Variants in POLI observed in about 807,000 individuals in gnomAD.
POLI encodes DNA polymerase iota, also known as RAD30 homolog B.
Under a neutral mutation model 51.6 loss-of-function variants are expected in POLI, and 58 were observed. The ratio of observed to expected loss-of-function variants is 1.12; its 90% CI spans 0.91 to 1.40. The LOEUF (loss-of-function observed/expected upper bound fraction) is 1.40, where lower values mean the gene tolerates loss of function less well. Among genes scored for constraint, POLI ranks in the 40% most tolerant of loss-of-function variants. POLI has a pLI of 0.00. For missense variants in POLI, 921 were observed against 871.3 expected, an observed-to-expected ratio of 1.06 and a Z score of -0.72; for synonymous variants, 322 against 299.7, an observed-to-expected ratio of 1.07 and a Z score of -0.77.
rs1401005850 is a variant in POLI at position 54,297,685 on chromosome 18, T to C, written c.*3218T>C. On this transcript the variant is annotated 3_prime_UTR_variant, in exon 10 of 10. Transcript: ENST00000579534. The stretch of plus-strand genomic sequence containing the variant: ...TCCCTTTACTGATTTGGAATGTGAA[T>C]GTTACAAGTCCTTTTGATTATCCTT... The C allele has an allele frequency of 2.1e-6, 2 of 971,972 alleles. No homozygotes were observed. The highest frequency in any genetic ancestry group is 3.5e-5 in the African/African-American group (2 of 56,948). The allele number at this position is 971,972 out of a possible 1,614,324, so 60.2% of individuals were successfully genotyped here.
chr18:54,274,767 T>C (rs2087165913), intron 3 of POLI: 1 of 152,142 alleles, frequency 6.6e-6, no homozygotes, highest in Admixed American at 6.5e-5. Context: ...TAATATATAG[T>C]GTAAAAATGT....
chr18:54,269,592 G>C lies in POLI; in HGVS notation c.46G>C (p.Asp16His). 2 of 1,500,016 alleles carry C rather than the reference G, an allele frequency of 1.3e-6. No individual in the cohort carries two copies. Among genetic ancestry groups the C allele is most frequent in the Non-Finnish European group, 1.8e-6 (2 of 1,127,972 alleles). The allele number at this position is 1,500,016 out of a possible 1,614,324, so 92.9% of individuals were successfully genotyped here. The change falls in exon 1 of 10, where the codon GAC (aspartate) becomes CAC (histidine). Residue 16 changes from aspartate (D) to histidine (H), a missense_variant. Physicochemically the swap from Asp to His is moderately conservative, Grantham distance 81. Coordinates refer to ENST00000579534, the MANE Select transcript of POLI (RefSeq NM_007195.3). The part of the protein sequence containing the change: ...VEPEEEGGGD[D>H]DEEDAEAWAM... ...GCCGGAGGAGGAAGGCGGCGGCGAC[G>C]ACGACGAGGAAGACGCCGAGGCCTG...
intron 3 of POLI, among the ~76,000 whole-genome samples, chr18:54,310,625 T>A (rs955322253): frequency 2.6e-5 from 4 of 152,156 alleles, no homozygotes; most frequent in Non-Finnish European, 5.9e-5. Context: ...TTGGTGATAT[T>A]TGGGTGTCCG....
rs1011666203 is a variant in POLI at position 54,305,948 on chromosome 18, C to T, written c.334-14325C>T. ...TAATTTTTTGTATTTTTAGTAGATA[C>T]GGGGTTTCACTGTGTTACTCAGGAT... On this transcript the variant is annotated intron_variant, in intron 3 of 4. Coordinates refer to the POLI transcript ENST00000579823. 3.9e-5 allele frequency among the ~76,000 whole-genome samples: 6 copies of T among 152,096 alleles called. No individual in the cohort carries two copies. The East Asian group carries it at 5.8e-4, about 15-fold the overall frequency.
At chr18:54,270,963 T>C (rs1284894367) in intron 1 of POLI, 1 of 154,718 alleles carries the variant, frequency 6.5e-6, no homozygotes, top group East Asian at 1.9e-4. Flanking sequence ...TTGTTTTAAA[T>C]GTAAGGGCAT....
intron 3 of POLI, among the ~76,000 whole-genome samples, chr18:54,306,569 C>G (rs563930981): frequency 5.7e-4 from 87 of 152,280 alleles, no homozygotes; most frequent in African/African-American, 2.0e-3. Flanking sequence ...CCTTTGGTAT[C>G]AGGATGATGC....
rs759284982 is a variant in POLI at position 54,291,856 on chromosome 18, A to C, written c.1222A>C (p.Met408Leu). ...GTGNYDVMTP[M>L]VDILMKLFRN... is the part of the protein sequence containing the mutation. Reference sequence around the variant, plus strand: ...AGGAAATTATGATGTGATGACCCCAATGGTTGATATACTTATGAAACTTTT... The same window carrying C: ...AGGAAATTATGATGTGATGACCCCACTGGTTGATATACTTATGAAACTTTT... The change falls in exon 9 of 10, where the codon ATG (methionine) becomes CTG (leucine). Residue 408 changes from methionine to leucine, a missense_variant. By Grantham distance (15) the Met-to-Leu change is conservative. Coordinates refer to ENST00000579534, the MANE Select transcript of POLI (RefSeq NM_007195.3). 2 of 1,577,580 alleles carry C rather than the reference A, an allele frequency of 1.3e-6. No homozygotes were observed. The highest frequency in any genetic ancestry group is 1.7e-6 in the Non-Finnish European group (2 of 1,148,314).
At chr18:54,287,612 G>A (rs1402540927) in intron 8 of POLI, 3 of 399,488 alleles carry the variant, frequency 7.5e-6, no homozygotes, top group Non-Finnish European at 1.4e-5. Context: ...ACAGGGTCTT[G>A]CTCTGCACCA....
At chr18:54,318,498 G>A (rs747804993) in intron 3 of POLI, among the ~76,000 whole-genome samples, 15 of 130,928 alleles carry the variant, frequency 1.1e-4, no homozygotes, top group Admixed American at 2.2e-4. Context: ...CTATATTGTC[G>A]TTTACTTTTA....
In POLI at chr18:54,269,568, C is replaced by G. The variant is rs907728575; in HGVS notation, c.22C>G (p.Pro8Ala). The change falls in exon 1 of 10, where the codon CCG becomes GCG. Residue 8 changes from proline (P) to alanine (A), a missense_variant. Transcript: ENST00000579534. MEKLGVE[P>A]EEEGGGDDDE... ...CGGGATGGAGAAGCTGGGGGTGGAG[C>G]CGGAGGAGGAAGGCGGCGGCGACGA... 1 of 1,479,426 alleles carries G rather than the reference C, an allele frequency of 6.8e-7. No individual in the cohort carries two copies. The highest frequency in any genetic ancestry group is 8.9e-7 in the Non-Finnish European group (1 of 1,124,708). 91.6% of individuals were successfully genotyped at this position (1,479,426 alleles called of 1,614,324 possible). A position where few individuals can be genotyped will look rare whatever the true frequency, so the allele number is the denominator to read the frequency against.
chr18:54,297,204 C>T lies in POLI; in HGVS notation c.*2737C>T, dbSNP rs2088374341. 1 of 985,206 alleles carries T rather than the reference C, an allele frequency of 1.0e-6. No homozygotes were observed. The highest frequency in any genetic ancestry group is 1.1e-4 in the East Asian group (1 of 8,812). The allele number at this position is 985,206 out of a possible 1,614,324, so 61.0% of individuals were successfully genotyped here. A position where few individuals can be genotyped will look rare whatever the true frequency, so the allele number is the denominator to read the frequency against. The stretch of plus-strand genomic sequence containing the variant: ...GCAGATGCTGTTAGCTATCTGCCTC[C>T]AGGGATAAACCCCATCTTTCAAGCT... On this transcript the variant is annotated 3_prime_UTR_variant, in exon 10 of 10. Coordinates refer to ENST00000579534, the MANE Select transcript of POLI (RefSeq NM_007195.3).
intron 4 of POLI, 53 bp from the exon 5 acceptor site, chr18:54,280,614 A>G (rs1273245873): frequency 8.1e-7 from 1 of 1,232,064 alleles, no homozygotes; most frequent in Non-Finnish European, 1.2e-6. Flanking sequence ...TTATTTTGTG[A>G]AAAAGAAAAA....
chr18:54,287,454 C>T (rs533304293), intron 8 of POLI, 43 bp downstream of exon 8: 2 of 1,498,908 alleles, frequency 1.3e-6, no homozygotes, highest in Admixed American at 3.6e-5. Context: ...AGGTTGAACT[C>T]TTAAATAAGC....
intron 3 of POLI, among the ~76,000 whole-genome samples, chr18:54,308,965 T>G (rs1227725833): frequency 6.6e-6 from 1 of 152,212 alleles, no homozygotes; most frequent in Non-Finnish European, 1.5e-5. Flanking sequence ...CACTGTTTAT[T>G]CTAGTTAGCC....
chr18:54,306,153 A>C (rs1568158262), intron 3 of POLI, among the ~76,000 whole-genome samples: 1 of 152,174 alleles, frequency 6.6e-6, no homozygotes, highest in African/African-American at 2.4e-5. Context: ...GTCTTGTGCC[A>C]GTTTTCAAAG....
intron 3 of POLI, among the ~76,000 whole-genome samples, chr18:54,277,264 A>G (rs1306550671): frequency 6.6e-6 from 1 of 152,210 alleles, no homozygotes; most frequent in East Asian, 1.9e-4. Flanking sequence ...CATTTTAAAT[A>G]TTATTTTGTT....
intron 2 of POLI, among the ~76,000 whole-genome samples, chr18:54,272,451 A>T (rs978459650): frequency 2.0e-5 from 3 of 152,050 alleles, no homozygotes; most frequent in African/African-American, 7.2e-5. Context: ...TTGGGGGAAA[A>T]CGAAAGTAGT....
In POLI at chr18:54,295,575, T is replaced by A. The variant is rs551518423; in HGVS notation, c.*1108T>A. 1.2e-6 allele frequency: 1 copy of A among 812,374 alleles called. No homozygotes were observed. The highest frequency in any genetic ancestry group is 1.9e-5 in the African/African-American group (1 of 53,508). 50.3% of individuals were successfully genotyped at this position (812,374 alleles called of 1,614,324 possible). A position where few individuals can be genotyped will look rare whatever the true frequency, so the allele number is the denominator to read the frequency against. ...ACTTTAAAAATAAAGTACACAAATA[T>A]GAACCAAAGAGTAGCTTAAAAATAC... On this transcript the variant is annotated 3_prime_UTR_variant, in exon 10 of 10. Transcript: ENST00000579534.
intron 2 of POLI, among the ~76,000 whole-genome samples, chr18:54,271,830 A>G (rs2087017214): frequency 1.3e-5 from 2 of 152,186 alleles, no homozygotes; most frequent in Non-Finnish European, 1.5e-5. Flanking sequence ...CTCTTATTAC[A>G]TTTTAGTGGA....
Sources: allele counts gnomAD v4.1 joint callset (sites outside exome capture counted in the v4.1 genomes callset), GRCh38; gene constraint gnomAD v4.1.1; transcripts MANE v1.5; gene names NCBI Gene and HGNC (gene_info 2026-07-23, HGNC 2026-07-21).